Variants in TMEM232 observed in about 807,000 individuals in gnomAD.
The protein encoded by TMEM232 is transmembrane protein 232.
In TMEM232, 80 loss-of-function variants were observed where a neutral mutation model predicts 78.8. That is an observed-to-expected ratio of 1.01 (90% CI 0.85 to 1.22). The LOEUF (loss-of-function observed/expected upper bound fraction) is 1.22, where lower values mean the gene tolerates loss of function less well. TMEM232 is among the 50% of genes most tolerant of loss of function. The pLI, the probability that TMEM232 is intolerant of heterozygous loss-of-function variation, is 0.00. For synonymous variants in TMEM232, 297 were observed against 254.3 expected, an observed-to-expected ratio of 1.17 and a Z score of -1.60; for missense variants, 881 against 742.2, an observed-to-expected ratio of 1.19 and a Z score of -2.17.
At chr5:110,707,101 G>T (rs1239994127) in intron 1 of TMEM232, among the ~76,000 whole-genome samples, 1 of 152,186 alleles carries the variant, frequency 6.6e-6, no homozygotes, top group Non-Finnish European at 1.5e-5. Flanking sequence ...TGGCAGAATA[G>T]AAGCCTACAC....
At chr5:110,672,792 A>C (rs1478879217) in intron 1 of TMEM232, among the ~76,000 whole-genome samples, 1 of 152,098 alleles carries the variant, frequency 6.6e-6, no homozygotes, top group African/African-American at 2.4e-5. Flanking sequence ...CAAAGCTTGG[A>C]GCTATCAGCA....
chr5:110,485,831 C>A (rs1003532151), intron 12 of TMEM232, among the ~76,000 whole-genome samples: 1 of 151,900 alleles, frequency 6.6e-6, no homozygotes, highest in African/African-American at 2.4e-5. Context: ...GGGTAGATAC[C>A]CAGTGGTGAG....
chr5:110,487,426 G>C (rs956739760), intron 12 of TMEM232, among the ~76,000 whole-genome samples: 7 of 152,064 alleles, frequency 4.6e-5, no homozygotes, highest in Non-Finnish European at 7.4e-5. Flanking sequence ...TCCCCATTCG[G>C]TATTATGTTG....
intron 2 of TMEM232, among the ~76,000 whole-genome samples, chr5:110,732,788 G>A (rs1798804538): frequency 6.6e-6 from 1 of 152,152 alleles, no homozygotes; most frequent in African/African-American, 2.4e-5. Flanking sequence ...ATTTTTAAAT[G>A]CTACTGGGAA....
intron 11 of TMEM232, among the ~76,000 whole-genome samples, chr5:110,530,209 C>G (rs77327930): frequency 6.6e-6 from 1 of 151,502 alleles, no homozygotes; most frequent in Admixed American, 6.6e-5. Flanking sequence ...ATAGACTGAA[C>G]GAAAAACAGT....
At chr5:110,646,870 C>T (rs907433533) in intron 2 of TMEM232, among the ~76,000 whole-genome samples, 3 of 151,442 alleles carry the variant, frequency 2.0e-5, no homozygotes, top group South Asian at 2.1e-4. Flanking sequence ...AAAAAATGTA[C>T]AGAGGACCTG....
chr5:110,416,204 G>A (rs901162198), downstream of TMEM232, among the ~76,000 whole-genome samples: 1 of 152,182 alleles, frequency 6.6e-6, no homozygotes, highest in Non-Finnish European at 1.5e-5. Context: ...AGTACAAGGA[G>A]CCTTACAGAT....
chr5:110,587,689 ATATGTGTGTGTGTGTGTGTGTG>A (rs1195301460), intron 10 of TMEM232, among the ~76,000 whole-genome samples: 46 of 53,250 alleles, frequency 8.6e-4, no homozygotes, highest in African/African-American at 3.9e-3. Flanking sequence ...ATATATATAT[ATATGTGTGTGTGTGTGTGTGTG>A]TGTGTGTGTG....
At chr5:110,558,837 C>T (rs1351980083) in intron 11 of TMEM232, among the ~76,000 whole-genome samples, 3 of 152,166 alleles carry the variant, frequency 2.0e-5, no homozygotes, top group Admixed American at 2.0e-4. Flanking sequence ...AGCTAGGAAT[C>T]TACAGGTCCA....
chr5:110,525,471 C>G (rs79364682), intron 12 of TMEM232, among the ~76,000 whole-genome samples: 3 of 151,678 alleles, frequency 2.0e-5, no homozygotes, highest in Non-Finnish European at 2.9e-5. Context: ...AGATAAAGTA[C>G]CTATAAATAA....
At chr5:110,403,950 T>G (rs1755696735) in intron 2 of TMEM232, among the ~76,000 whole-genome samples, 1 of 151,944 alleles carries the variant, frequency 6.6e-6, no homozygotes, top group Non-Finnish European at 1.5e-5. Context: ...AAAGAAGAAT[T>G]AGTTATAAGA....
intron 1 of TMEM232, among the ~76,000 whole-genome samples, chr5:110,700,255 A>C (rs1795278241): frequency 6.6e-6 from 1 of 152,088 alleles, no homozygotes; most frequent in South Asian, 2.1e-4. Context: ...AAAGGTTTTC[A>C]AACAATATTT....
chr5:110,662,951 T>C (rs1790002223), intron 2 of TMEM232, among the ~76,000 whole-genome samples: 1 of 152,044 alleles, frequency 6.6e-6, no homozygotes, highest in Admixed American at 6.6e-5. Flanking sequence ...AAAAGGCTAA[T>C]CATAAAAGAT....
intron 1 of TMEM232, among the ~76,000 whole-genome samples, chr5:110,709,603 G>A (rs1365035249): frequency 1.3e-5 from 2 of 151,934 alleles, no homozygotes; most frequent in Non-Finnish European, 2.9e-5. Context: ...ATACAAACAC[G>A]TGAAAATTAA....
chr5:110,634,957 A>AAAG (rs1433666131), intron 5 of TMEM232, among the ~76,000 whole-genome samples: 1 of 152,024 alleles, frequency 6.6e-6, no homozygotes, highest in Non-Finnish European at 1.5e-5. Flanking sequence ...CTAACCAAGG[A>AAAG]AAGAAGAGAT....
intron 11 of TMEM232, among the ~76,000 whole-genome samples, chr5:110,529,610 C>T (rs1167403809): frequency 6.6e-6 from 1 of 151,990 alleles, no homozygotes; most frequent in Non-Finnish European, 1.5e-5. Context: ...TTGTATTTAG[C>T]TTAAATTGAC....
intron 2 of TMEM232, among the ~76,000 whole-genome samples, chr5:110,413,324 C>G (rs1011816852): frequency 4.9e-4 from 74 of 152,136 alleles, no homozygotes; most frequent in Admixed American, 4.3e-3. Flanking sequence ...CAGTGGTTTT[C>G]CAGGGGCTCT....
chr5:110,620,858 C>CTTTTTT lies in TMEM232; in HGVS notation c.769-2302_769-2297dup, dbSNP rs558332663. On this transcript the variant is annotated intron_variant, in intron 7 of 13. Transcript: ENST00000455884. ...TCAGGAATTTTATGTATTTCAAGCG[C>CTTTTTT]TTTTTTTTTTTTTTTTTTTTTTGAG... Among the ~76,000 whole-genome samples the CTTTTTT allele has an allele frequency of 5.7e-4, 50 of 87,440 alleles. 2 individuals are homozygous for CTTTTTT. Among genetic ancestry groups the CTTTTTT allele is most frequent in the African/African-American group, 2.1e-3 (37 of 17,912 alleles). 57.4% of individuals were successfully genotyped at this position (87,440 alleles called of 152,430 possible). A position where few individuals can be genotyped will look rare whatever the true frequency, so the allele number is the denominator to read the frequency against.
intron 8 of TMEM232, among the ~76,000 whole-genome samples, chr5:110,609,539 G>C (rs1781925486): frequency 6.6e-6 from 1 of 151,572 alleles, no homozygotes; most frequent in Non-Finnish European, 1.5e-5. Context: ...TATTTTTTCA[G>C]AGATGATAAC....
Sources: gnomAD v4.1 joint callset for allele counts (sites outside exome capture counted in the v4.1 genomes callset) on GRCh38, gnomAD v4.1.1 for gene constraint, MANE v1.5 for transcripts, NCBI Gene and HGNC (gene_info 2026-07-23, HGNC 2026-07-21) for gene names.